The following SETDB1 variants were observed in gnomAD, a reference collection of about 807,000 sequenced individuals.
The protein encoded by SETDB1 is SET domain bifurcated histone lysine methyltransferase 1.
Under a neutral mutation model 137.4 loss-of-function variants are expected in SETDB1, and 31 were observed. The observed-to-expected ratio is 0.23, with a 90% CI of 0.17 to 0.30. SETDB1 has a LOEUF of 0.30. Among genes scored for constraint, SETDB1 ranks in the 10% least tolerant of loss-of-function variants. The pLI, the probability that SETDB1 is intolerant of heterozygous loss-of-function variation, is 1.00. For synonymous variants in SETDB1, 548 were observed against 579.9 expected (o/e 0.95, Z 0.79); for missense variants, 1,113 against 1,631.5 (o/e 0.68, Z 5.47).
chr1:150,953,810 CACA>C (rs756805168), intron 14 of SETDB1, among the ~76,000 whole-genome samples: 9 of 151,554 alleles, frequency 5.9e-5, no homozygotes, highest in Middle Eastern at 6.8e-3. Flanking sequence ...GTCTGGACAA[CACA>C]ACAAGACTCC....
At chr1:150,947,048 C>A in intron 10 of SETDB1, 36 bp downstream of exon 10, 1 of 1,611,720 alleles carries the variant, frequency 6.2e-7, no homozygotes, top group Non-Finnish European at 8.5e-7. Flanking sequence ...AAGGAAGAAA[C>A]AGGCCAACCA....
At chr1:150,946,072 T>C (rs992561369) in intron 9 of SETDB1, among the ~76,000 whole-genome samples, 8 of 152,112 alleles carry the variant, frequency 5.3e-5, no homozygotes, top group African/African-American at 1.9e-4. Context: ...CAGGCTGGAG[T>C]GCAGTGGTGC....
At chr1:150,944,264 C>T (rs181385816) in intron 8 of SETDB1, among the ~76,000 whole-genome samples, 1 of 152,256 alleles carries the variant, frequency 6.6e-6, no homozygotes, top group Admixed American at 6.5e-5. Flanking sequence ...TATAGATGTG[C>T]TTCAATTTCA....
chr1:150,941,475 C>G, intron 5 of SETDB1, 47 bp downstream of exon 5: 1 of 1,168,854 alleles, frequency 8.6e-7, no homozygotes, highest in Non-Finnish European at 1.3e-6. Flanking sequence ...TGAATTCTTA[C>G]AGAGATTTTG....
At chr1:150,934,074 C>T (rs1034584481) in intron 3 of SETDB1, among the ~76,000 whole-genome samples, 5 of 152,000 alleles carry the variant, frequency 3.3e-5, no homozygotes, top group African/African-American at 1.2e-4. Context: ...TGAGCCACCA[C>T]ACCCGGCCCC....
chr1:150,962,920 TA>T, intron 18 of SETDB1, 53 bp from the exon 19 acceptor site: 1 of 1,589,142 alleles, frequency 6.3e-7, no homozygotes, highest in Non-Finnish European at 8.6e-7. Flanking sequence ...AGCAAGGACT[TA>T]AAGGAGCCCT....
chr1:150,944,872 G>A, intron 8 of SETDB1, 46 bp from the exon 9 acceptor site: 2 of 1,605,908 alleles, frequency 1.2e-6, no homozygotes, highest in Non-Finnish European at 1.7e-6. Context: ...TCCCTATCAA[G>A]ACATGCCCTA....
intron 5 of SETDB1, among the ~76,000 whole-genome samples, 194 bp downstream of exon 5, chr1:150,941,622 A>G (rs1259792954): frequency 6.6e-6 from 1 of 152,162 alleles, no homozygotes; most frequent in Non-Finnish European, 1.5e-5. Flanking sequence ...AGCGTCCTAC[A>G]TTTAGGCTGT....
chr1:150,961,262 G>A, intron 16 of SETDB1, 71 bp downstream of exon 16: 2 of 1,455,756 alleles, frequency 1.4e-6, no homozygotes, highest in East Asian at 2.4e-5. Context: ...GTCTCACCAT[G>A]AGTCTTTGCA....
chr1:150,940,122 T>C, intron 4 of SETDB1, 148 bp downstream of exon 4: 1 of 525,122 alleles, frequency 1.9e-6, no homozygotes. Flanking sequence ...TGATTGATGC[T>C]GTAAGAATTC....
Position 150,964,413 on chromosome 1 carries a change from C to T in SETDB1, c.*49C>T, listed in dbSNP as rs771462652. 8 of 1,325,590 alleles carry T rather than the reference C, an allele frequency of 6.0e-6. 1 individual carries two copies. The highest frequency in any genetic ancestry group is 2.4e-5 in the South Asian group (2 of 83,002). The allele number at this position is 1,325,590 out of a possible 1,614,324, so 82.1% of individuals were successfully genotyped here. ...TCTTGAACTGTCGTTTCCTCAGGAA[C>T]TGGGTCTTCCTGATTGTTGAACCCT... On this transcript the variant is annotated 3_prime_UTR_variant, in exon 22 of 22. Coordinates refer to ENST00000692827, the MANE Select transcript of SETDB1 (RefSeq NM_001366418.1).
At chr1:150,941,110 C>T (rs1041963679) in intron 4 of SETDB1, among the ~76,000 whole-genome samples, 7 of 152,100 alleles carry the variant, frequency 4.6e-5, no homozygotes, top group Non-Finnish European at 1.0e-4. Flanking sequence ...TTATGGTGAG[C>T]CGAGATTGTG....
intron 14 of SETDB1, among the ~76,000 whole-genome samples, chr1:150,953,901 C>G (rs1211704952): frequency 6.6e-6 from 1 of 151,380 alleles, no homozygotes; most frequent in Non-Finnish European, 1.5e-5. Context: ...GTCGCCCAGG[C>G]TGGAGTGCAG....
chr1:150,962,495 C>A, intron 17 of SETDB1, 92 bp from the exon 18 acceptor site: 1 of 1,294,930 alleles, frequency 7.7e-7, no homozygotes, highest in Non-Finnish European at 1.1e-6. Flanking sequence ...GTCTTTTTGA[C>A]CTGTCTCCAA....
At chr1:150,928,195 T>C in intron 2 of SETDB1, 2 of 544,772 alleles carry the variant, frequency 3.7e-6, no homozygotes, top group Admixed American at 6.7e-5. Flanking sequence ...GTAGCTGGAA[T>C]TATAGGCATC....
chr1:150,948,205 A>G (rs1294564396), intron 10 of SETDB1, among the ~76,000 whole-genome samples: 1 of 151,850 alleles, frequency 6.6e-6, no homozygotes, highest in Admixed American at 6.6e-5. Flanking sequence ...CTTCAGCCTG[A>G]GTAACAAAGT....
intron 9 of SETDB1, among the ~76,000 whole-genome samples, chr1:150,945,719 G>C (rs1390199437): frequency 6.6e-6 from 1 of 152,114 alleles, no homozygotes; most frequent in Non-Finnish European, 1.5e-5. Context: ...CATGCTTTTT[G>C]TTTGGTGTTT....
intron 13 of SETDB1, 57 bp from the exon 14 acceptor site, chr1:150,951,303 ATTGTG>A: frequency 8.0e-7 from 1 of 1,256,088 alleles, no homozygotes; most frequent in Non-Finnish European, 1.2e-6. Context: ...GTACATGTGT[ATTGTG>A]TTATTTTTGT....
At chr1:150,938,994 A>G (rs1262231073) in intron 3 of SETDB1, among the ~76,000 whole-genome samples, 1 of 152,070 alleles carries the variant, frequency 6.6e-6, no homozygotes, top group African/African-American at 2.4e-5. Flanking sequence ...GCTGGAGTGC[A>G]ATGGTGCAGT....
Sources: allele counts gnomAD v4.1 joint callset (sites outside exome capture counted in the v4.1 genomes callset), GRCh38; gene constraint gnomAD v4.1.1; transcripts MANE v1.5; gene names NCBI Gene and HGNC (gene_info 2026-07-23, HGNC 2026-07-21).